DSCC1: variants seen among roughly 807,000 people sequenced by gnomAD.
DSCC1 encodes the protein sister chromatid cohesion protein DCC1.
Under a neutral mutation model 48.2 loss-of-function variants are expected in DSCC1, and 32 were observed. The observed-to-expected ratio is 0.66, with a 90% CI of 0.50 to 0.89. The LOEUF (loss-of-function observed/expected upper bound fraction) is 0.89, where lower values mean the gene tolerates loss of function less well. Among genes scored for constraint, DSCC1 ranks in the 40% least tolerant of loss-of-function variants. DSCC1 has a pLI of 0.00. For missense variants in DSCC1, 421 were observed against 471.7 expected (o/e 0.89, Z 1.00); for synonymous variants, 150 against 171.5 (o/e 0.87, Z 0.98).
At chr8:119,839,751 A>C (rs1176443322) in intron 7 of DSCC1, 1 of 152,262 alleles carries the variant, frequency 6.6e-6, no homozygotes, top group African/African-American at 2.4e-5. Flanking sequence ...CAGCCCATGC[A>C]TCCCTACAAC....
At chr8:119,852,280 A>C (rs188997219) in intron 2 of DSCC1, among the ~76,000 whole-genome samples, 18 of 152,352 alleles carry the variant, frequency 1.2e-4, no homozygotes, top group Non-Finnish European at 4.4e-5. Context: ...AAAGTTTGTT[A>C]TACTTGGCTA....
intron 4 of DSCC1, among the ~76,000 whole-genome samples, chr8:119,846,105 T>A (rs1381484932): frequency 2.1e-5 from 3 of 145,728 alleles, no homozygotes; most frequent in African/African-American, 7.8e-5. Flanking sequence ...CTATTTGATG[T>A]CTAAGGACTT....
At position 119,838,183 on chromosome 8, in the gene DSCC1, A is replaced by T. The variant is rs1422915606; in HGVS notation, c.1073+76T>A. 3.5e-6 allele frequency: 5 copies of T among 1,439,678 alleles called. No homozygotes were observed. The African/African-American group carries it at 7.2e-5, about 21-fold the overall frequency. 89.2% of individuals were successfully genotyped at this position (1,439,678 alleles called of 1,614,324 possible). On this transcript the variant is annotated intron_variant, in intron 8 of 8. Coordinates refer to ENST00000313655, the MANE Select transcript of DSCC1 (RefSeq NM_024094.3). ...GAATACTCAAGAAAATTGTGTTCCA[A>T]TCATAAATCTAAAATGCTGTGCCAT...
rs576346375 is a variant in DSCC1, at chr8:119,847,121, T to C, written c.487-41A>G. ...AATATTTTAAGGCCTTTGAAGAATA[T>C]TTTGTTTTTAGATTTCTTGCTGAAT... is the stretch of plus-strand genomic sequence containing the variant. On this transcript the variant is annotated intron_variant, in intron 3 of 8. Transcript: ENST00000313655. 132 of 1,558,730 alleles carry C rather than the reference T, an allele frequency of 8.5e-5. 2 individuals are homozygous for C. The South Asian group carries it at 1.4e-3, about 17-fold the overall frequency.
rs771656771 is a variant in DSCC1 at position 119,838,322 on chromosome 8, C to T, written c.1010G>A (p.Arg337His). ...CCTTAGAGAGAAAAGGCTATTAAAA[C>T]GTTCCTGATTATCCTCAGGTAAATC... ...VDDLPEDNQE[R>H]FNSLFSLREK... Residue 337 changes from arginine (R) to histidine (H), a missense_variant, in exon 8 of 9, where the codon CGT becomes CAT. Physicochemically the swap from Arg to His is conservative, Grantham distance 29. Around this residue, in one of 3 missense-constraint regions of DSCC1, gnomAD observed 238 missense variants for 259.0 expected, o/e 0.92. Coordinates refer to ENST00000313655, the MANE Select transcript of DSCC1 (RefSeq NM_024094.3). 1.6e-5 allele frequency: 26 copies of T among 1,609,998 alleles called. No individual in the cohort carries two copies. The highest frequency in any genetic ancestry group is 8.0e-5 in the African/African-American group (6 of 74,864).
intron 4 of DSCC1, among the ~76,000 whole-genome samples, chr8:119,845,013 A>T (rs1335105075): frequency 6.6e-6 from 1 of 151,992 alleles, no homozygotes; most frequent in Non-Finnish European, 1.5e-5. Context: ...CTTCATAAAG[A>T]TCCCTTTCCT....
chr8:119,835,066 TG>T, intron 8 of DSCC1, 65 bp from the exon 9 acceptor site: 1 of 1,075,782 alleles, frequency 9.3e-7, no homozygotes, highest in South Asian at 1.5e-5. Context: ...TACAGTACTA[TG>T]TACTTATTTT....
intron 7 of DSCC1, 87 bp downstream of exon 7, chr8:119,841,707 G>C: frequency 6.8e-7 from 1 of 1,461,512 alleles, no homozygotes; most frequent in Non-Finnish European, 9.3e-7. Context: ...AAAAGAAATT[G>C]GTTCCAAATT....
intron 4 of DSCC1, among the ~76,000 whole-genome samples, chr8:119,844,333 G>A (rs141368333): frequency 0.037 from 5,659 of 151,632 alleles, 178 homozygotes; most frequent in South Asian, 0.11. Context: ...CAGCTGCTCA[G>A]GAGGCTGAGG....
chr8:119,855,757 C>A lies in DSCC1; in HGVS notation c.39G>T (p.Gln13His). ...RTRDEVDATL[Q>H]IAKLNAAELL... ...GCTCGGCCGCATTCAGCTTGGCGAT[C>A]TGCAGCGTCGCATCCACCTCGTCGC... is the stretch of plus-strand genomic sequence containing the variant. Residue 13 changes from glutamine to histidine, a missense_variant, in exon 1 of 9, where the codon CAG (glutamine) becomes CAT (histidine). By Grantham distance (24) the Gln-to-His change is conservative. Transcript: ENST00000313655. 5 of 1,572,718 alleles carry A rather than the reference C, an allele frequency of 3.2e-6. No homozygotes were observed. Among genetic ancestry groups the A allele is most frequent in the Non-Finnish European group, 4.3e-6 (5 of 1,159,294 alleles).
intron 7 of DSCC1, chr8:119,839,307 C>A (rs1487286471): frequency 1.3e-5 from 2 of 152,246 alleles, no homozygotes; most frequent in African/African-American, 4.8e-5. Flanking sequence ...CAAATCTATA[C>A]ATGAACTCAT....
chr8:119,843,839 T>C (rs893514341), intron 4 of DSCC1, 92 bp from the exon 5 acceptor site: 28 of 1,323,226 alleles, frequency 2.1e-5, no homozygotes, highest in Non-Finnish European at 2.8e-5. Context: ...TTCAGTGGCG[T>C]GATCTCAGCT....
chr8:119,850,488 T>C lies in DSCC1; in HGVS notation c.380A>G (p.Glu127Gly). Residue 127 changes from glutamate to glycine, a missense_variant, in exon 3 of 9, where the codon GAA (glutamate) becomes GGA (glycine). Transcript: ENST00000313655. ...EIFGFSNNYW[E>G]LRRRRPKLKK... The stretch of plus-strand genomic sequence containing the variant: ...TAACTTGGGTCTACGTCTTCTTAAT[T>C]CCCAATAATTATTAGAAAAACCAAA... 1 of 1,579,500 alleles carries C rather than the reference T, an allele frequency of 6.3e-7. No homozygotes were observed. The highest frequency in any genetic ancestry group is 8.6e-7 in the Non-Finnish European group (1 of 1,168,314).
intron 8 of DSCC1, among the ~76,000 whole-genome samples, chr8:119,838,041 T>A (rs1319513635): frequency 6.6e-6 from 1 of 152,122 alleles, no homozygotes; most frequent in Non-Finnish European, 1.5e-5. Flanking sequence ...AGAAGTGGTT[T>A]TAGAAGCAAT....
intron 4 of DSCC1, among the ~76,000 whole-genome samples, chr8:119,844,170 G>A (rs1206781876): frequency 2.0e-5 from 3 of 152,046 alleles, no homozygotes; most frequent in African/African-American, 4.8e-5. Context: ...GGGCGTGCTG[G>A]CTCACTCCTG....
chr8:119,847,555 A>T (rs1256835587), intron 3 of DSCC1, among the ~76,000 whole-genome samples: 3 of 152,166 alleles, frequency 2.0e-5, no homozygotes, highest in Admixed American at 2.0e-4. Context: ...GTTTGAGAAG[A>T]TGGAGAAGTT....
chr8:119,840,122 T>A (rs1247028584), intron 7 of DSCC1: 2 of 152,170 alleles, frequency 1.3e-5, no homozygotes, highest in Admixed American at 1.3e-4. Flanking sequence ...AAGAACTCCA[T>A]AAATACCAAG....
chr8:119,854,648 G>GTT (rs1013828281), intron 1 of DSCC1, among the ~76,000 whole-genome samples: 18 of 138,272 alleles, frequency 1.3e-4, no homozygotes, highest in Admixed American at 6.2e-4. Context: ...TTATTTTTTT[G>GTT]TTTTTGTTTT....
intron 1 of DSCC1, among the ~76,000 whole-genome samples, chr8:119,854,421 A>G (rs1344101236): frequency 6.6e-6 from 1 of 152,212 alleles, no homozygotes; most frequent in Non-Finnish European, 1.5e-5. Flanking sequence ...GAAACCTGAA[A>G]TAGCAGACTG....
Sources: allele counts gnomAD v4.1 joint callset (sites outside exome capture counted in the v4.1 genomes callset), GRCh38; gene constraint gnomAD v4.1.1; regional missense constraint gnomAD v4.1.1; transcripts MANE v1.5; gene names NCBI Gene and HGNC (gene_info 2026-07-23, HGNC 2026-07-21).